Variants in PDE4D observed in about 807,000 individuals in gnomAD.
PDE4D encodes phosphodiesterase 4D, also known as 3',5'-cyclic-AMP phosphodiesterase 4D.
In PDE4D, 24 loss-of-function variants were observed where a neutral mutation model predicts 87.4. The observed-to-expected ratio is 0.27, with a 90% CI of 0.20 to 0.39. The LOEUF (loss-of-function observed/expected upper bound fraction) is 0.39, where lower values mean the gene tolerates loss of function less well. Among genes scored for constraint, PDE4D ranks in the 10% least tolerant of loss-of-function variants. The pLI is 1.00. For synonymous variants in PDE4D, 384 were observed against 383.2 expected, an observed-to-expected ratio of 1.00 and a Z score of -0.02; for missense variants, 714 against 1,041.0, an observed-to-expected ratio of 0.69 and a Z score of 4.32.
chr5:59,602,609 C>A (rs988038173), intron 1 of PDE4D, among the ~76,000 whole-genome samples: 3 of 151,842 alleles, frequency 2.0e-5, no homozygotes, highest in Non-Finnish European at 4.4e-5. Context: ...CTGAAACAAT[C>A]TACAAAACAA....
At chr5:60,496,202 A>G (rs1216826662) in intron 1 of PDE4D, among the ~76,000 whole-genome samples, 1 of 152,188 alleles carries the variant, frequency 6.6e-6, no homozygotes, top group African/African-American at 2.4e-5. Flanking sequence ...TTTGCTTTGC[A>G]CGCTCCTGAG....
chr5:60,209,355 C>T (rs565656335), intron 1 of PDE4D, among the ~76,000 whole-genome samples: 2 of 152,120 alleles, frequency 1.3e-5, no homozygotes, highest in East Asian at 3.9e-4. Context: ...ATGTTAAAAA[C>T]ATTGCTATGT....
chr5:59,843,533 T>C (rs1408135416), intron 1 of PDE4D, among the ~76,000 whole-genome samples: 2 of 152,092 alleles, frequency 1.3e-5, no homozygotes, highest in Non-Finnish European at 2.9e-5. Context: ...AAGATGTGTC[T>C]GAAGGATTTG....
At chr5:59,887,504 T>A (rs184057168) in intron 1 of PDE4D, among the ~76,000 whole-genome samples, 20 of 152,332 alleles carry the variant, frequency 1.3e-4, no homozygotes, top group African/African-American at 4.8e-4. Flanking sequence ...TAGACTCACA[T>A]ATTGCATATT....
At chr5:59,625,430 G>A (rs1830789043) in intron 1 of PDE4D, among the ~76,000 whole-genome samples, 1 of 151,720 alleles carries the variant, frequency 6.6e-6, no homozygotes, top group Non-Finnish European at 1.5e-5. Flanking sequence ...CTTAATTTCA[G>A]CCTTGAGTTT....
intron 2 of PDE4D, among the ~76,000 whole-genome samples, chr5:60,125,605 CAGAG>C (rs371540493): frequency 6.6e-6 from 1 of 150,392 alleles, no homozygotes; most frequent in African/African-American, 2.4e-5. Flanking sequence ...GAGAGAAAGA[CAGAG>C]AGAGAGAGAG....
chr5:59,849,823 T>C (rs1360127974), intron 1 of PDE4D, among the ~76,000 whole-genome samples: 1 of 152,096 alleles, frequency 6.6e-6, no homozygotes, highest in African/African-American at 2.4e-5. Context: ...TTGGATGACA[T>C]GGAATTTTTA....
intron 1 of PDE4D, among the ~76,000 whole-genome samples, chr5:59,698,389 G>A (rs1316447408): frequency 1.3e-5 from 2 of 152,102 alleles, no homozygotes; most frequent in Non-Finnish European, 2.9e-5. Context: ...ATGGATATTT[G>A]AGAAGTTGAC....
intron 1 of PDE4D, among the ~76,000 whole-genome samples, chr5:59,324,892 A>C (rs1775371146): frequency 6.6e-6 from 1 of 152,172 alleles, no homozygotes; most frequent in Non-Finnish European, 1.5e-5. Flanking sequence ...ATGGAACTGC[A>C]AAGGAACTAA....
At chr5:60,354,662 G>C (rs1182618748) in intron 1 of PDE4D, among the ~76,000 whole-genome samples, 1 of 152,146 alleles carries the variant, frequency 6.6e-6, no homozygotes, top group Non-Finnish European at 1.5e-5. Flanking sequence ...ACAATTGGAG[G>C]TTGGGGCATT....
intron 1 of PDE4D, among the ~76,000 whole-genome samples, chr5:60,240,871 A>G (rs1381652358): frequency 6.6e-6 from 1 of 152,140 alleles, no homozygotes; most frequent in Non-Finnish European, 1.5e-5. Context: ...ATACCCAAGT[A>G]CTTTTGAATA....
At chr5:58,993,302 C>T (rs2153344731) in intron 7 of PDE4D, 70 bp downstream of exon 7, 2 of 844,364 alleles carry the variant, frequency 2.4e-6, no homozygotes, top group East Asian at 2.7e-5. Flanking sequence ...GTTGGCACCC[C>T]AATCCTCCTA....
intron 5 of PDE4D, among the ~76,000 whole-genome samples, chr5:59,124,685 G>T (rs939967521): frequency 1.3e-5 from 2 of 152,152 alleles, no homozygotes; most frequent in Admixed American, 6.5e-5. Flanking sequence ...AAAAGATACT[G>T]ATGACTTTTT....
chr5:59,956,428 T>C (rs769871702), intron 3 of PDE4D, among the ~76,000 whole-genome samples: 3 of 152,154 alleles, frequency 2.0e-5, no homozygotes, highest in Non-Finnish European at 4.4e-5. Context: ...GATTCATGTC[T>C]TGCAAAATAT....
At chr5:60,371,548 A>G (rs1473254961) in intron 1 of PDE4D, among the ~76,000 whole-genome samples, 1 of 152,234 alleles carries the variant, frequency 6.6e-6, no homozygotes, top group African/African-American at 2.4e-5. Flanking sequence ...TTGAAATATA[A>G]TATATGCACA....
chr5:59,108,362 A>G (rs1294243259), intron 5 of PDE4D, among the ~76,000 whole-genome samples: 4 of 152,212 alleles, frequency 2.6e-5, no homozygotes, highest in Non-Finnish European at 5.9e-5. Context: ...AAAAGTAAAT[A>G]ACCATCAAAA....
intron 3 of PDE4D, among the ~76,000 whole-genome samples, chr5:59,973,023 A>G (rs1003531404): frequency 6.6e-6 from 1 of 152,110 alleles, no homozygotes; most frequent in Non-Finnish European, 1.5e-5. Flanking sequence ...TGAAAGGCCC[A>G]AGTATCCCTA....
intron 2 of PDE4D, among the ~76,000 whole-genome samples, chr5:60,177,328 C>A (rs1335261128): frequency 1.3e-5 from 2 of 152,038 alleles, no homozygotes; most frequent in Non-Finnish European, 2.9e-5. Flanking sequence ...GAATACAAAG[C>A]AAAAGGATTC....
chr5:59,902,801 C>A (rs1033658226), intron 3 of PDE4D, among the ~76,000 whole-genome samples: 2 of 152,038 alleles, frequency 1.3e-5, no homozygotes, highest in Non-Finnish European at 2.9e-5. Flanking sequence ...GCAGGCCAGT[C>A]GTCAACACTG....
Sources: gnomAD v4.1 joint callset for allele counts (sites outside exome capture counted in the v4.1 genomes callset) on GRCh38, gnomAD v4.1.1 for gene constraint, MANE v1.5 for transcripts, NCBI Gene and HGNC (gene_info 2026-07-23, HGNC 2026-07-21) for gene names.